Variants in LRP1B observed in about 807,000 individuals in gnomAD.
LRP1B encodes LDL receptor related protein 1B.
LRP1B carries 217 observed loss-of-function variants against 556.6 expected under a neutral mutation model. That is an observed-to-expected ratio of 0.39 (90% CI 0.35 to 0.44). LRP1B has a LOEUF of 0.44. Among genes scored for constraint, LRP1B ranks in the 20% least tolerant of loss-of-function variants. The pLI is 1.00. For synonymous variants in LRP1B, 2,047 were observed against 1,865.8 expected, an observed-to-expected ratio of 1.10 and a Z score of -2.50; for missense variants, 5,053 against 5,620.8, an observed-to-expected ratio of 0.90 and a Z score of 3.23.
At chr2:140,358,999 G>A (rs1682378980) in intron 72 of LRP1B, 53 bp from the exon 73 acceptor site, 1 of 1,535,434 alleles carries the variant, frequency 6.5e-7, no homozygotes, top group East Asian at 2.3e-5. Flanking sequence ...ATTGCTTTAT[G>A]AAGAACATTC....
chr2:142,008,681 T>A (rs1702868002), intron 1 of LRP1B, among the ~76,000 whole-genome samples: 2 of 152,174 alleles, frequency 1.3e-5, no homozygotes, highest in South Asian at 4.1e-4. Context: ...GTGACTTGAT[T>A]ACTGCATGAT....
chr2:141,557,991 G>A (rs1686022759), intron 2 of LRP1B, among the ~76,000 whole-genome samples: 1 of 151,796 alleles, frequency 6.6e-6, no homozygotes, highest in East Asian at 1.9e-4. Context: ...CTCTGCCCAT[G>A]GCCTGCAACC....
Position 141,722,725 on chromosome 2 carries a change from GATAC to G in LRP1B, c.205+87550_205+87553del, listed in dbSNP as rs879265856. Reference sequence around the variant, plus strand: ...TATAAGACAGATAGACAGGCAGATAGATACATAGATAGATAGATAGATAGATAGA... The same window carrying G: ...TATAAGACAGATAGACAGGCAGATAGATAGATAGATAGATAGATAGATAGA... On this transcript the variant is annotated intron_variant, in intron 2 of 90. Transcript: ENST00000389484. Among the ~76,000 whole-genome samples the G allele has an allele frequency of 4.1e-3, 556 of 134,292 alleles. 5 individuals are homozygous for G. The highest frequency in any genetic ancestry group is 0.015 in the African/African-American group (522 of 35,900). 88.1% of individuals were successfully genotyped at this position (134,292 alleles called of 152,430 possible). A position where few individuals can be genotyped will look rare whatever the true frequency, so the allele number is the denominator to read the frequency against.
chr2:141,242,744 A>T (rs1683925233), intron 5 of LRP1B, among the ~76,000 whole-genome samples: 1 of 152,098 alleles, frequency 6.6e-6, no homozygotes, highest in Non-Finnish European at 1.5e-5. Flanking sequence ...CTTCAGTGCA[A>T]TCAGTAGAGC....
At chr2:141,611,152 T>G (rs755700771) in intron 2 of LRP1B, among the ~76,000 whole-genome samples, 4 of 152,178 alleles carry the variant, frequency 2.6e-5, no homozygotes, top group Non-Finnish European at 4.4e-5. Context: ...ATGACAGAAA[T>G]CTTTTAACCG....
intron 1 of LRP1B, among the ~76,000 whole-genome samples, chr2:141,978,335 AT>A (rs1701942414): frequency 6.6e-6 from 1 of 152,112 alleles, no homozygotes; most frequent in Non-Finnish European, 1.5e-5. Context: ...ATCAAGCAGT[AT>A]GTGAATTTCA....
chr2:140,653,516 C>T (rs115743038), intron 41 of LRP1B, among the ~76,000 whole-genome samples: 2,070 of 151,324 alleles, frequency 0.014, 38 homozygotes, highest in Admixed American at 0.046. Flanking sequence ...ATAATAACAA[C>T]GTAAAGAATG....
chr2:142,021,959 A>G lies in LRP1B; in HGVS notation c.82+108689T>C, dbSNP rs1703343667. On this transcript the variant is annotated intron_variant, in intron 1 of 90. Coordinates refer to ENST00000389484, the MANE Select transcript of LRP1B (RefSeq NM_018557.3). ...CAAAAGATTATTGCATTTTAAAGCC[A>G]TTTCAAGGCTAAAATATTCAGAATT... is the stretch of plus-strand genomic sequence containing the variant. Among the ~76,000 whole-genome samples, 5 of 152,298 alleles carry G rather than the reference A, an allele frequency of 3.3e-5. No homozygotes were observed. The South Asian group carries it at 1.0e-3, about 32-fold the overall frequency.
At chr2:141,635,419 C>CA (rs34596705) in intron 2 of LRP1B, among the ~76,000 whole-genome samples, 7 of 151,650 alleles carry the variant, frequency 4.6e-5, no homozygotes, top group African/African-American at 9.7e-5. Context: ...TGGAGAAATA[C>CA]AAAAAAAAGT....
chr2:141,693,248 CTG>C (rs1369212173), intron 2 of LRP1B, among the ~76,000 whole-genome samples: 1 of 151,978 alleles, frequency 6.6e-6, no homozygotes, highest in Non-Finnish European at 1.5e-5. Flanking sequence ...CAGAAAATAT[CTG>C]TGAGTTCAAT....
rs1248619016 is a variant in LRP1B at position 140,541,952 on chromosome 2, G to T, written c.7214C>A (p.Pro2405Gln). 1 of 1,603,566 alleles carries T rather than the reference G, an allele frequency of 6.2e-7. No homozygotes were observed. Among genetic ancestry groups the T allele is most frequent in the Non-Finnish European group, 8.5e-7 (1 of 1,173,508 alleles). The change falls in exon 44 of 91, where the codon CCA becomes CAA. Residue 2405 changes from proline (P) to glutamine (Q), a missense_variant. Transcript: ENST00000389484. ...AACAGCCAAACTGAGGAAAGTCCCT[G>T]GCCCAGATTTAACTATCACCTGAAA... ...SQRHVIVKSG[P>Q]GTFLSLAVYD...
chr2:142,044,528 T>C (rs1339118290), intron 1 of LRP1B, among the ~76,000 whole-genome samples: 2 of 151,776 alleles, frequency 1.3e-5, no homozygotes, highest in African/African-American at 4.8e-5. Context: ...AAAACACTTA[T>C]CTGTACTAAG....
chr2:140,258,876 T>G (rs1000394832), intron 86 of LRP1B, among the ~76,000 whole-genome samples: 3 of 152,288 alleles, frequency 2.0e-5, no homozygotes, highest in African/African-American at 7.2e-5. Flanking sequence ...ATCTTTGTCT[T>G]CCTTTACATT....
In LRP1B at chr2:141,582,850, T is replaced by G. The variant is rs1304694932; in HGVS notation, c.206-102317A>C. Among the ~76,000 whole-genome samples the G allele has an allele frequency of 2.8e-5, 4 of 145,368 alleles. No homozygotes were observed. In the East Asian group the frequency reaches 8.1e-4, roughly 29 times the overall value. On this transcript the variant is annotated intron_variant, in intron 2 of 90. Transcript: ENST00000389484. ...AACTTTTTTTTTTTTTTTTTTTTTTTTTTGAGACGGAGTTTTGCTCTGTCA... is the reference window on the plus strand; with the variant it reads ...AACTTTTTTTTTTTTTTTTTTTTTTGTTTGAGACGGAGTTTTGCTCTGTCA...
intron 68 of LRP1B, among the ~76,000 whole-genome samples, chr2:140,375,185 G>A (rs544621651): frequency 6.7e-6 from 1 of 149,442 alleles, no homozygotes; most frequent in South Asian, 2.1e-4. Context: ...GTGTGTGTGT[G>A]TGTGTGTGTG....
chr2:141,600,216 T>G (rs548694955), intron 2 of LRP1B, among the ~76,000 whole-genome samples: 1 of 152,312 alleles, frequency 6.6e-6, no homozygotes, highest in African/African-American at 2.4e-5. Context: ...CGGTCTTACT[T>G]GTGCCTTGAA....
At chr2:141,150,869 TTG>T (rs56107003) in intron 7 of LRP1B, among the ~76,000 whole-genome samples, 3,647 of 138,634 alleles carry the variant, frequency 0.026, 98 homozygotes, top group African/African-American at 0.069. Context: ...TCATGCTGGT[TTG>T]TGTGTGTGTG....
intron 2 of LRP1B, among the ~76,000 whole-genome samples, chr2:141,520,471 C>T (rs568187708): frequency 2.0e-5 from 3 of 151,858 alleles, no homozygotes; most frequent in South Asian, 2.1e-4. Context: ...AAAATCATCC[C>T]TGTTTTTTTT....
At chr2:140,356,237 C>G (rs1460119624) in intron 75 of LRP1B, 105 bp downstream of exon 75, 2 of 1,160,746 alleles carry the variant, frequency 1.7e-6, no homozygotes, top group Middle Eastern at 2.2e-4. Flanking sequence ...TAGATACACA[C>G]CATTTTGATG....
Sources: allele counts gnomAD v4.1 joint callset (sites outside exome capture counted in the v4.1 genomes callset), GRCh38; gene constraint gnomAD v4.1.1; transcripts MANE v1.5; gene names NCBI Gene and HGNC (gene_info 2026-07-23, HGNC 2026-07-21).